Variants in GPC5 observed in about 807,000 individuals in gnomAD.
GPC5 encodes glypican-5.
GPC5 carries 47 observed loss-of-function variants against 53.9 expected under a neutral mutation model. The ratio of observed to expected loss-of-function variants is 0.87; its 90% CI spans 0.69 to 1.11. The LOEUF is 1.11. Among genes scored for constraint, GPC5 ranks in the 50% most tolerant of loss-of-function variants. The pLI is 0.00. For missense variants in GPC5, 748 were observed against 713.1 expected, an observed-to-expected ratio of 1.05 and a Z score of -0.56; for synonymous variants, 286 against 263.3, an observed-to-expected ratio of 1.09 and a Z score of -0.84.
intron 6 of GPC5, among the ~76,000 whole-genome samples, chr13:91,967,945 T>C (rs1479390592): frequency 2.6e-5 from 4 of 151,998 alleles, no homozygotes; most frequent in African/African-American, 9.7e-5. Context: ...TTAAAATGTG[T>C]ATTAGTTATA....
intron 2 of GPC5, among the ~76,000 whole-genome samples, chr13:91,503,411 T>G (rs372348760): frequency 1.3e-5 from 2 of 152,020 alleles, no homozygotes; most frequent in African/African-American, 4.8e-5. Flanking sequence ...AACAAGCAAA[T>G]AAAAAGACTT....
At chr13:92,479,244 AC>A (rs1435595484) in intron 7 of GPC5, among the ~76,000 whole-genome samples, 1 of 152,172 alleles carries the variant, frequency 6.6e-6, no homozygotes, top group Non-Finnish European at 1.5e-5. Flanking sequence ...CCAGGGACAT[AC>A]CACGATTGGG....
intron 6 of GPC5, among the ~76,000 whole-genome samples, chr13:92,096,038 A>G (rs2041419695): frequency 6.6e-6 from 1 of 152,040 alleles, no homozygotes; most frequent in African/African-American, 2.4e-5. Flanking sequence ...AGCTATCCAG[A>G]TTTTTCTTCT....
At chr13:91,766,543 T>C (rs911645506) in intron 5 of GPC5, among the ~76,000 whole-genome samples, 1 of 152,188 alleles carries the variant, frequency 6.6e-6, no homozygotes, top group East Asian at 1.9e-4. Flanking sequence ...CATTAATCTC[T>C]AAGTGCATCA....
At chr13:92,291,461 T>A (rs1275081593) in intron 7 of GPC5, among the ~76,000 whole-genome samples, 2 of 152,114 alleles carry the variant, frequency 1.3e-5, no homozygotes, top group East Asian at 3.9e-4. Context: ...CGACACTGTA[T>A]CTAGCTAATC....
At chr13:92,398,634 C>T (rs1875408123) in intron 7 of GPC5, among the ~76,000 whole-genome samples, 1 of 152,004 alleles carries the variant, frequency 6.6e-6, no homozygotes, top group Admixed American at 6.6e-5. Context: ...CCCTGGTAAA[C>T]TCACTCCTCA....
At chr13:92,033,781 G>A (rs374565686) in intron 6 of GPC5, among the ~76,000 whole-genome samples, 34 of 152,102 alleles carry the variant, frequency 2.2e-4, no homozygotes, top group African/African-American at 6.5e-4. Flanking sequence ...GATATAGGGC[G>A]GAGTCTGCAT....
At chr13:92,036,295 T>C (rs185854518) in intron 6 of GPC5, among the ~76,000 whole-genome samples, 3 of 152,338 alleles carry the variant, frequency 2.0e-5, no homozygotes, top group Non-Finnish European at 2.9e-5. Flanking sequence ...GCAAAATAAA[T>C]GAAGCAAAGC....
intron 7 of GPC5, among the ~76,000 whole-genome samples, chr13:92,398,600 A>G (rs921171075): frequency 5.3e-5 from 8 of 151,882 alleles, no homozygotes; most frequent in African/African-American, 1.9e-4. Context: ...TTACTTTCAT[A>G]TATTTTCTCT....
At position 92,277,470 on chromosome 13, in the gene GPC5, T is replaced by A. The variant is rs1594059904; in HGVS notation, c.1561+132481T>A. 2.0e-5 allele frequency among the ~76,000 whole-genome samples: 3 copies of A among 152,138 alleles called. No homozygotes were observed. The East Asian group carries it at 5.8e-4, about 29-fold the overall frequency. ...GTCAACAATTAGGATAGCTTGTAAT[T>A]AGTGGAAGGTAATATTATACATCAC... On this transcript the variant is annotated intron_variant, in intron 7 of 7. Transcript: ENST00000377067.
At chr13:92,656,723 G>A (rs571872448) in intron 7 of GPC5, among the ~76,000 whole-genome samples, 11 of 152,204 alleles carry the variant, frequency 7.2e-5, no homozygotes, top group Admixed American at 1.3e-4. Flanking sequence ...ACAGGCCAAA[G>A]TGGGAGGATC....
chr13:91,624,419 A>C (rs984152868), intron 2 of GPC5, among the ~76,000 whole-genome samples: 2 of 152,166 alleles, frequency 1.3e-5, no homozygotes, highest in Admixed American at 6.6e-5. Flanking sequence ...AAGAACTATT[A>C]AACCTCCAAG....
At chr13:92,694,101 C>A (rs1431003605) in intron 7 of GPC5, among the ~76,000 whole-genome samples, 1 of 152,082 alleles carries the variant, frequency 6.6e-6, no homozygotes, top group African/African-American at 2.4e-5. Flanking sequence ...TGGGGTTGGG[C>A]CTGCAGGTAT....
At chr13:92,820,211 C>T (rs892343313) in intron 7 of GPC5, among the ~76,000 whole-genome samples, 4 of 152,166 alleles carry the variant, frequency 2.6e-5, no homozygotes, top group Admixed American at 2.0e-4. Context: ...CCAGCCTGCT[C>T]TTTCTCTCTT....
At chr13:92,732,477 T>C (rs1303035539) in intron 7 of GPC5, among the ~76,000 whole-genome samples, 4 of 150,802 alleles carry the variant, frequency 2.7e-5, no homozygotes, top group South Asian at 2.1e-4. Context: ...TGTTTAATTG[T>C]ATGCATTGAT....
At position 91,792,820 on chromosome 13, in the gene GPC5, A is replaced by ATTTTATACAGCATGTGGTTGCAGTTGTG. The variant is rs2037988599; in HGVS notation, c.1280+36407_1280+36434dup. ...TGTATAAAATGCATGTGGTTGCTACATTTTATACAGCATGTGGTTGCAGTT... is the reference window on the plus strand; with the variant it reads ...TGTATAAAATGCATGTGGTTGCTACATTTTATACAGCATGTGGTTGCAGTTGTGTTTTATACAGCATGTGGTTGCAGTT... On this transcript the variant is annotated intron_variant, in intron 5 of 7. Transcript: ENST00000377067. Among the ~76,000 whole-genome samples, 3 of 152,258 alleles carry ATTTTATACAGCATGTGGTTGCAGTTGTG rather than the reference A, an allele frequency of 2.0e-5. No homozygotes were observed. The South Asian group carries it at 6.2e-4, about 32-fold the overall frequency.
intron 2 of GPC5, among the ~76,000 whole-genome samples, chr13:91,620,586 TCATGCCATAAGATGG>T (rs1298069967): frequency 6.6e-6 from 1 of 152,164 alleles, no homozygotes; most frequent in Admixed American, 6.5e-5. Context: ...TTGTCATCGC[TCATGCCATAAGATGG>T]CTTAAGTTAT....
chr13:92,101,179 G>C (rs959221687), intron 6 of GPC5, among the ~76,000 whole-genome samples: 6 of 152,250 alleles, frequency 3.9e-5, no homozygotes, highest in African/African-American at 1.4e-4. Context: ...AATTTGAAAT[G>C]AAATATCTTA....
In GPC5 at chr13:91,507,857, G is replaced by T. The variant is rs16946059; in HGVS notation, c.325+58935G>T. The stretch of plus-strand genomic sequence containing the variant: ...ATCATATATACTTTTTTGAAACTTT[G>T]CTCTCTTAGCTTATCAAAAAATGTT... On this transcript the variant is annotated intron_variant, in intron 2 of 7. Coordinates refer to ENST00000377067, the MANE Select transcript of GPC5 (RefSeq NM_004466.6). Among the ~76,000 whole-genome samples the T allele has an allele frequency of 8.2e-3, 1,250 of 152,150 alleles. 16 individuals are homozygous for T. The highest frequency in any genetic ancestry group is 0.025 in the African/African-American group (1,057 of 41,526).
Sources: gnomAD v4.1 joint callset for allele counts (sites outside exome capture counted in the v4.1 genomes callset) on GRCh38, gnomAD v4.1.1 for gene constraint, MANE v1.5 for transcripts, NCBI Gene and HGNC (gene_info 2026-07-23, HGNC 2026-07-21) for gene names.